The following CTNND2 variants were observed in gnomAD, a reference collection of about 807,000 sequenced individuals.
The protein encoded by CTNND2 is catenin delta 2, also known as catenin delta-2.
Under a neutral mutation model 144.4 loss-of-function variants are expected in CTNND2, and 22 were observed. That is an observed-to-expected ratio of 0.15 (90% CI 0.11 to 0.22). The LOEUF is 0.22. Ranked by LOEUF, CTNND2 falls within the 10% of genes least tolerant of loss-of-function variation. CTNND2 has a pLI of 1.00. For synonymous variants in CTNND2, 751 were observed against 695.6 expected, an observed-to-expected ratio of 1.08 and a Z score of -1.25; for missense variants, 1,353 against 1,618.8, an observed-to-expected ratio of 0.84 and a Z score of 2.82.
chr5:11,417,013 T>A (rs953250999), intron 3 of CTNND2, among the ~76,000 whole-genome samples: 7 of 152,342 alleles, frequency 4.6e-5, no homozygotes, highest in African/African-American at 1.7e-4. Flanking sequence ...ACATCAGTGA[T>A]GCTAGGAAAG....
At chr5:11,307,043 C>T (rs1267713290) in intron 9 of CTNND2, among the ~76,000 whole-genome samples, 2 of 151,926 alleles carry the variant, frequency 1.3e-5, no homozygotes, top group African/African-American at 4.8e-5. Context: ...CAGAGTGGCC[C>T]CCTGAGGTGG....
intron 3 of CTNND2, among the ~76,000 whole-genome samples, chr5:11,502,524 AAATT>A (rs1386643313): frequency 6.6e-6 from 1 of 152,224 alleles, no homozygotes; most frequent in Non-Finnish European, 1.5e-5. Flanking sequence ...ATACTTAAAT[AAATT>A]ATTAATATAT....
At chr5:11,562,787 T>C (rs1160892724) in intron 3 of CTNND2, among the ~76,000 whole-genome samples, 1 of 152,234 alleles carries the variant, frequency 6.6e-6, no homozygotes, top group East Asian at 1.9e-4. Flanking sequence ...ATGTAATAAA[T>C]GAAATCAACT....
chr5:11,850,432 G>A (rs1312776989), intron 1 of CTNND2, among the ~76,000 whole-genome samples: 1 of 152,046 alleles, frequency 6.6e-6, no homozygotes, highest in Non-Finnish European at 1.5e-5. Flanking sequence ...TAGAAAGTAT[G>A]GACTTATCTG....
chr5:11,438,496 T>C (rs1189948826), intron 3 of CTNND2, among the ~76,000 whole-genome samples: 1 of 152,230 alleles, frequency 6.6e-6, no homozygotes, highest in Non-Finnish European at 1.5e-5. Context: ...ATTAAAAATC[T>C]GTACCTAATT....
At chr5:11,329,020 TA>T (rs1185972580) in intron 9 of CTNND2, among the ~76,000 whole-genome samples, 1 of 152,228 alleles carries the variant, frequency 6.6e-6, no homozygotes. Context: ...CCTTGGCTTG[TA>T]GATGAACAAA....
In CTNND2 at chr5:11,487,240, T is replaced by A. The variant is rs900251822; in HGVS notation, c.288-75171A>T. ...TACTCTTAGCTTCTACTTAATAAAA[T>A]GCAAAACTTACTAAAATGCATGTTC... On this transcript the variant is annotated intron_variant, in intron 3 of 21. Coordinates refer to ENST00000304623, the MANE Select transcript of CTNND2 (RefSeq NM_001332.4). Among the ~76,000 whole-genome samples, 4 of 152,304 alleles carry A rather than the reference T, an allele frequency of 2.6e-5. No homozygotes were observed. The East Asian group carries it at 5.8e-4, about 22-fold the overall frequency.
chr5:11,317,287 T>A (rs1352647706), intron 9 of CTNND2, among the ~76,000 whole-genome samples: 2 of 152,174 alleles, frequency 1.3e-5, no homozygotes, highest in Non-Finnish European at 2.9e-5. Context: ...CTAGATACCA[T>A]CATTTTAACT....
At chr5:11,403,420 T>C (rs1760802124) in intron 5 of CTNND2, among the ~76,000 whole-genome samples, 1 of 152,214 alleles carries the variant, frequency 6.6e-6, no homozygotes, top group South Asian at 2.1e-4. Flanking sequence ...TCAATTTCTT[T>C]ACAATGGTGT....
chr5:11,288,259 C>CA lies in CTNND2; in HGVS notation c.1629-51437dup, dbSNP rs536902696. On this transcript the variant is annotated intron_variant, in intron 9 of 21. Coordinates refer to ENST00000304623, the MANE Select transcript of CTNND2 (RefSeq NM_001332.4). ...ACATTAAATGACACTGATGTACTGACAATCATCTACATTCATGTTCTTCTT... is the reference window on the plus strand; with the variant it reads ...ACATTAAATGACACTGATGTACTGACAAATCATCTACATTCATGTTCTTCTT... 4.2e-4 allele frequency among the ~76,000 whole-genome samples: 64 copies of CA among 152,134 alleles called. No homozygotes were observed. The East Asian group carries it at 0.012, about 28-fold the overall frequency.
At chr5:11,579,713 T>A (rs1057436605) in intron 2 of CTNND2, among the ~76,000 whole-genome samples, 5 of 152,194 alleles carry the variant, frequency 3.3e-5, no homozygotes, top group African/African-American at 1.2e-4. Flanking sequence ...GTACAAAGTA[T>A]AACCTTAACA....
chr5:11,308,048 G>A (rs944444362), intron 9 of CTNND2, among the ~76,000 whole-genome samples: 7 of 152,156 alleles, frequency 4.6e-5, no homozygotes, highest in Non-Finnish European at 7.4e-5. Flanking sequence ...ACCACACAAC[G>A]AACGTGCTGC....
Position 11,397,091 on chromosome 5 carries a change from G to A in CTNND2, c.552C>T (p.Thr184=), listed in dbSNP as rs1295814039. The part of the protein sequence containing the change: ...SNQTLALGET[T]PSQLPARGTQ... ...TGCCTCGGGCCGGGAGCTGTGAAGG[G>A]GTGGTTTCCCCCAGGGCCAGGGTCT... Residue 184 remains threonine, a synonymous_variant, in exon 6 of 22, where the codon ACC becomes ACT. Coordinates refer to ENST00000304623, the MANE Select transcript of CTNND2 (RefSeq NM_001332.4). 6.2e-7 allele frequency: 1 copy of A among 1,614,004 alleles called. No individual in the cohort carries two copies. Among genetic ancestry groups the A allele is most frequent in the African/African-American group, 1.3e-5 (1 of 74,912 alleles).
intron 12 of CTNND2, among the ~76,000 whole-genome samples, chr5:11,147,666 A>G (rs1757370824): frequency 6.6e-6 from 1 of 152,132 alleles, no homozygotes. Context: ...AGTTGAAAAA[A>G]AAAAAAAAAA....
intron 2 of CTNND2, among the ~76,000 whole-genome samples, chr5:11,671,607 G>A (rs1783877151): frequency 6.6e-6 from 1 of 151,774 alleles, no homozygotes; most frequent in Non-Finnish European, 1.5e-5. Flanking sequence ...AAGTTCTCAT[G>A]CTGTTTTCTT....
At chr5:11,679,866 C>T (rs559992335) in intron 2 of CTNND2, among the ~76,000 whole-genome samples, 85 of 152,264 alleles carry the variant, frequency 5.6e-4, no homozygotes, top group Non-Finnish European at 1.0e-3. Flanking sequence ...AGGCGGCATC[C>T]CAGTGAGGGA....
At chr5:11,209,871 G>C (rs1561025794) in intron 10 of CTNND2, among the ~76,000 whole-genome samples, 1 of 151,950 alleles carries the variant, frequency 6.6e-6, no homozygotes, top group Non-Finnish European at 1.5e-5. Flanking sequence ...GCAGTGAGCC[G>C]AGATCGCACC....
chr5:11,106,264 A>G (rs1174766933), intron 14 of CTNND2, among the ~76,000 whole-genome samples: 2 of 152,230 alleles, frequency 1.3e-5, no homozygotes, highest in Admixed American at 1.3e-4. Flanking sequence ...ACAGATGTTC[A>G]TTACAGTTTA....
intron 1 of CTNND2, among the ~76,000 whole-genome samples, chr5:11,835,886 T>C (rs1304636225): frequency 6.6e-6 from 1 of 152,208 alleles, no homozygotes; most frequent in Non-Finnish European, 1.5e-5. Flanking sequence ...TTTTTTTTCC[T>C]AGAGTCTTTA....
Sources: gnomAD v4.1 joint callset for allele counts (sites outside exome capture counted in the v4.1 genomes callset) on GRCh38, gnomAD v4.1.1 for gene constraint, MANE v1.5 for transcripts, NCBI Gene and HGNC (gene_info 2026-07-23, HGNC 2026-07-21) for gene names.